TDRD9: variants seen among roughly 807,000 people sequenced by gnomAD.
TDRD9 encodes the protein tudor domain containing 9.
In TDRD9, 124 loss-of-function variants were observed where a neutral mutation model predicts 172.6. The ratio of observed to expected loss-of-function variants is 0.72; its 90% CI spans 0.62 to 0.83. The LOEUF (loss-of-function observed/expected upper bound fraction) is 0.83. Among genes scored for constraint, TDRD9 ranks in the 40% least tolerant of loss-of-function variants. TDRD9 has a pLI of 0.00. For missense variants in TDRD9, 1,479 were observed against 1,714.1 expected (o/e 0.86, Z 2.42); for synonymous variants, 619 against 617.1 (o/e 1.00, Z -0.05).
At position 103,965,612 on chromosome 14, in the gene TDRD9, T is replaced by A. The variant is rs973154139; in HGVS notation, c.642+58T>A. ...GCCAGCTGTCTCTCTATTCCTTAAT[T>A]TTATTAAGTTTTTTTCTGTGTAAGT... On this transcript the variant is annotated intron_variant, in intron 4 of 35. Transcript: ENST00000409874. The A allele has an allele frequency of 5.6e-6, 8 of 1,434,438 alleles. No individual in the cohort carries two copies. The African/African-American group carries it at 1.0e-4, about 18-fold the overall frequency. 88.9% of individuals were successfully genotyped at this position (1,434,438 alleles called of 1,614,324 possible).
At chr14:103,973,201 T>C (rs970005811) in intron 6 of TDRD9, among the ~76,000 whole-genome samples, 8 of 152,238 alleles carry the variant, frequency 5.3e-5, no homozygotes, top group Non-Finnish European at 8.8e-5. Flanking sequence ...TAGAAACTTA[T>C]ATGGTACATG....
At chr14:103,970,140 A>G (rs1222285349) in intron 5 of TDRD9, among the ~76,000 whole-genome samples, 1 of 152,040 alleles carries the variant, frequency 6.6e-6, no homozygotes, top group Admixed American at 6.5e-5. Context: ...ATGACAGTGT[A>G]CCTGCAGGCC....
chr14:103,936,130 G>A (rs2030747159), intron 1 of TDRD9, among the ~76,000 whole-genome samples: 1 of 152,114 alleles, frequency 6.6e-6, no homozygotes, highest in Non-Finnish European at 1.5e-5. Flanking sequence ...TGCCCCACAT[G>A]GAATGCAGTG....
In TDRD9 at chr14:104,042,177, A is replaced by C. The variant is rs755805312; in HGVS notation, c.3964A>C (p.Lys1322Gln). 1 of 1,611,454 alleles carries C rather than the reference A, an allele frequency of 6.2e-7. No individual in the cohort carries two copies. ...VAQLQDIARQKLLGLFCQSKP... is the reference protein window; with the variant it reads ...VAQLQDIARQQLLGLFCQSKP... ...GCAGCTTCAAGACATTGCCCGTCAG[A>C]AGCTTTTAGGGTAAGCTGTGTGATG... Residue 1322 changes from lysine (K) to glutamine (Q), a missense_variant, in exon 34 of 36, where the codon AAG (lysine) becomes CAG (glutamine). Lys to Gln is a moderately conservative substitution (Grantham distance 53). Coordinates refer to ENST00000409874, the MANE Select transcript of TDRD9 (RefSeq NM_153046.3).
intron 10 of TDRD9, 42 bp from the exon 11 acceptor site, chr14:103,994,476 TA>T: frequency 2.5e-6 from 4 of 1,605,558 alleles, no homozygotes; most frequent in Non-Finnish European, 2.6e-6. Context: ...GTATCTCATG[TA>T]TATCTATTCT....
intron 5 of TDRD9, among the ~76,000 whole-genome samples, chr14:103,967,391 G>A (rs1215221244): frequency 6.7e-6 from 1 of 150,028 alleles, no homozygotes; most frequent in Non-Finnish European, 1.5e-5. Context: ...TGGGTGCGGT[G>A]GCACACACCT....
intron 13 of TDRD9, among the ~76,000 whole-genome samples, chr14:104,003,394 T>G (rs981722149): frequency 1.3e-5 from 2 of 152,334 alleles, no homozygotes; most frequent in African/African-American, 4.8e-5. Flanking sequence ...CCTTTGTTAA[T>G]CCATAATCAG....
At chr14:103,930,141 G>GGA (rs1361658307) in intron 1 of TDRD9, among the ~76,000 whole-genome samples, 1 of 151,964 alleles carries the variant, frequency 6.6e-6, no homozygotes, top group African/African-American at 2.4e-5. Flanking sequence ...CAGTCCCCAA[G>GGA]TCCAGCACGC....
At chr14:104,048,514 T>C (rs755202298) in intron 34 of TDRD9, among the ~76,000 whole-genome samples, 1 of 152,222 alleles carries the variant, frequency 6.6e-6, no homozygotes, top group Non-Finnish European at 1.5e-5. Flanking sequence ...TCAAAAGTTG[T>C]CTTTAAATAC....
At chr14:104,014,887 T>G in intron 21 of TDRD9, 46 bp downstream of exon 21, 1 of 1,167,476 alleles carries the variant, frequency 8.6e-7, no homozygotes, top group Non-Finnish European at 1.3e-6. Context: ...TTCTTTCTGC[T>G]TACAAGGTCT....
At chr14:103,940,939 C>A in intron 1 of TDRD9, 1 of 1,535,402 alleles carries the variant, frequency 6.5e-7, no homozygotes, top group Non-Finnish European at 8.7e-7. Context: ...GGAGCTGTCA[C>A]CTTGGATCAC....
Position 104,008,397 on chromosome 14 carries a change from T to C in TDRD9, c.2053-16T>C. ...ATTACCTTAATATTGAGTATTCTGC[T>C]TTTATATATTTAAAGGATGAACTTA... On this transcript the variant is annotated splice_polypyrimidine_tract_variant and intron_variant, in intron 19 of 35. Coordinates refer to ENST00000409874, the MANE Select transcript of TDRD9 (RefSeq NM_153046.3). 7.2e-7 allele frequency: 1 copy of C among 1,393,552 alleles called. No individual in the cohort carries two copies. The highest frequency in any genetic ancestry group is 1.7e-5 in the Admixed American group (1 of 57,800). 86.3% of individuals were successfully genotyped at this position (1,393,552 alleles called of 1,614,324 possible).
chr14:103,934,420 G>GC (rs1397265652), intron 1 of TDRD9, among the ~76,000 whole-genome samples: 1 of 152,192 alleles, frequency 6.6e-6, no homozygotes, highest in Non-Finnish European at 1.5e-5. Flanking sequence ...TGTACTATGT[G>GC]CAGCTGGAGT....
At chr14:103,934,321 A>AT (rs2030607414) in intron 1 of TDRD9, among the ~76,000 whole-genome samples, 4 of 152,190 alleles carry the variant, frequency 2.6e-5, no homozygotes, top group African/African-American at 9.6e-5. Flanking sequence ...CAAAGTCCAC[A>AT]TTTTTAAGAC....
intron 31 of TDRD9, among the ~76,000 whole-genome samples, chr14:104,034,629 C>T (rs1454006825): frequency 6.6e-6 from 1 of 152,202 alleles, no homozygotes; most frequent in Non-Finnish European, 1.5e-5. Flanking sequence ...TCATTCCACC[C>T]TGCTTGGCTA....
chr14:103,938,430 A>ATTTTT (rs1566723244), intron 1 of TDRD9, among the ~76,000 whole-genome samples: 18 of 39,906 alleles, frequency 4.5e-4, no homozygotes, highest in African/African-American at 1.7e-3. Context: ...ATATATATAT[A>ATTTTT]TATATATATA....
chr14:104,030,009 G>A (rs973287258), intron 28 of TDRD9, among the ~76,000 whole-genome samples: 1 of 152,082 alleles, frequency 6.6e-6, no homozygotes. Context: ...AGAATACTGG[G>A]TATCAGGAAG....
chr14:103,989,189 T>C (rs1045459698), intron 8 of TDRD9, among the ~76,000 whole-genome samples: 3 of 152,252 alleles, frequency 2.0e-5, no homozygotes, highest in Non-Finnish European at 2.9e-5. Context: ...CACTGCTTTC[T>C]GGCTTCCATT....
chr14:104,031,901 T>C (rs1209898643), intron 29 of TDRD9, 116 bp from the exon 30 acceptor site: 3 of 689,240 alleles, frequency 4.4e-6, no homozygotes, highest in South Asian at 2.2e-5. Flanking sequence ...AAAGACATTA[T>C]GAATGAGATG....
Sources: allele counts gnomAD v4.1 joint callset (sites outside exome capture counted in the v4.1 genomes callset), GRCh38; gene constraint gnomAD v4.1.1; transcripts MANE v1.5; gene names NCBI Gene and HGNC (gene_info 2026-07-23, HGNC 2026-07-21).